The following SCNN1G variants were observed in gnomAD, a reference collection of about 807,000 sequenced individuals.
The protein encoded by SCNN1G is sodium channel epithelial 1 subunit gamma, also known as epithelial sodium channel subunit gamma.
SCNN1G carries 27 observed loss-of-function variants against 64.6 expected under a neutral mutation model. The observed-to-expected ratio is 0.42, with a 90% CI of 0.31 to 0.58. SCNN1G has a LOEUF of 0.58. Ranked by LOEUF, SCNN1G falls within the 20% of genes least tolerant of loss-of-function variation. The probability of loss-of-function intolerance (pLI) is 0.18; values close to 1 mark genes in which losing one functional copy is unlikely to be tolerated. For missense variants in SCNN1G, 743 were observed against 823.4 expected (o/e 0.90, Z 1.19); for synonymous variants, 330 against 314.2 (o/e 1.05, Z -0.53).
chr16:23,214,982 G>A, intron 12 of SCNN1G, 107 bp from the exon 13 acceptor site: 1 of 1,362,156 alleles, frequency 7.3e-7, no homozygotes. Flanking sequence ...CTCCCAGCCT[G>A]TGCAGGGTCG....
chr16:23,209,596 A>G (rs1960046061), intron 6 of SCNN1G, among the ~76,000 whole-genome samples, 154 bp from the exon 7 acceptor site: 1 of 152,146 alleles, frequency 6.6e-6, no homozygotes, highest in Admixed American at 6.6e-5. Context: ...CAGGCACCTA[A>G]TAGGTTCTCA....
chr16:23,186,908 T>A (rs1959618029), intron 2 of SCNN1G, among the ~76,000 whole-genome samples: 1 of 151,778 alleles, frequency 6.6e-6, no homozygotes, highest in Admixed American at 6.6e-5. Context: ...ACCTCCCAGG[T>A]TCTAACAATC....
intron 2 of SCNN1G, among the ~76,000 whole-genome samples, chr16:23,188,324 CA>C: frequency 6.6e-6 from 1 of 152,248 alleles, no homozygotes; most frequent in South Asian, 2.1e-4. Flanking sequence ...GCCTGGGCAA[CA>C]GAGCAAGGCC....
chr16:23,211,886 C>A, intron 7 of SCNN1G, 148 bp from the exon 8 acceptor site: 1 of 738,192 alleles, frequency 1.4e-6, no homozygotes, highest in East Asian at 2.5e-5. Context: ...GTTCCGGGAC[C>A]ATGCCCAGCC....
chr16:23,183,676 C>A (rs1959558304), intron 1 of SCNN1G, among the ~76,000 whole-genome samples: 1 of 150,146 alleles, frequency 6.7e-6, no homozygotes, highest in Non-Finnish European at 1.5e-5. Flanking sequence ...GTGAAATGGG[C>A]CAAGTAATAG....
At chr16:23,204,482 C>A in intron 6 of SCNN1G, among the ~76,000 whole-genome samples, 1 of 144,628 alleles carries the variant, frequency 6.9e-6, no homozygotes, top group Non-Finnish European at 1.5e-5. Context: ...TTTTTGACAC[C>A]TCTCTCCTTT....
intron 3 of SCNN1G, among the ~76,000 whole-genome samples, chr16:23,191,690 C>T (rs8060363): frequency 1.4e-4 from 21 of 152,118 alleles, no homozygotes; most frequent in African/African-American, 5.1e-4. Context: ...CCTTCCAAAG[C>T]ATTAGGATTA....
At chr16:23,183,202 G>A (rs1364302909) in intron 1 of SCNN1G, among the ~76,000 whole-genome samples, 1 of 152,236 alleles carries the variant, frequency 6.6e-6, no homozygotes, top group Non-Finnish European at 1.5e-5. Context: ...ACTTGGTGCA[G>A]AAAGAAGCAA....
At chr16:23,194,348 G>A (rs774586008) in intron 5 of SCNN1G, 74 bp downstream of exon 5, 5 of 1,034,732 alleles carry the variant, frequency 4.8e-6, no homozygotes, top group Non-Finnish European at 7.6e-6. Flanking sequence ...CAGTGGGGAT[G>A]CGGGAGCCCT....
At chr16:23,212,997 G>T (rs758990091) in intron 10 of SCNN1G, 103 bp downstream of exon 10, 15 of 1,530,988 alleles carry the variant, frequency 9.8e-6, no homozygotes, top group African/African-American at 2.7e-5. Flanking sequence ...AGGGGGAAAA[G>T]AATTACCTTG....
chr16:23,191,073 G>A (rs4967989), intron 3 of SCNN1G, among the ~76,000 whole-genome samples: 1 of 152,062 alleles, frequency 6.6e-6, no homozygotes, highest in Admixed American at 6.5e-5. Context: ...TCGAACCCTC[G>A]ACCTCAGGTG....
intron 2 of SCNN1G, 47 bp from the exon 3 acceptor site, chr16:23,189,324 C>A (rs1057247956): frequency 6.3e-7 from 1 of 1,591,418 alleles, no homozygotes; most frequent in Non-Finnish European, 8.6e-7. Context: ...CAGAGTTCTG[C>A]CAGGGCCGCC....
chr16:23,204,305 A>ATG (rs1959943407), intron 6 of SCNN1G, among the ~76,000 whole-genome samples: 2 of 60,206 alleles, frequency 3.3e-5, no homozygotes, highest in Non-Finnish European at 6.6e-5. Flanking sequence ...ATATATATAT[A>ATG]TATATATATA....
intron 2 of SCNN1G, 138 bp from the exon 3 acceptor site, chr16:23,189,233 G>T (rs1025802619): frequency 2.3e-6 from 2 of 864,968 alleles, no homozygotes; most frequent in Admixed American, 1.9e-5. Flanking sequence ...GTCATGAAAG[G>T]CGTGGTCTCC....
chr16:23,199,044 A>G (rs1275524108), intron 6 of SCNN1G, among the ~76,000 whole-genome samples: 7 of 151,858 alleles, frequency 4.6e-5, no homozygotes, highest in African/African-American at 1.7e-4. Flanking sequence ...TTAAGAACTT[A>G]TTTAAAGAGA....
chr16:23,196,387 G>T (rs964204576), intron 5 of SCNN1G: 1 of 151,978 alleles, frequency 6.6e-6, no homozygotes, highest in East Asian at 1.9e-4. Flanking sequence ...AAGTAGGCAG[G>T]GCTGTATCAT....
chr16:23,212,733 G>A lies in SCNN1G; in HGVS notation c.1350G>A (p.Gln450=). The change falls in exon 9 of 13, where the codon CAG becomes CAA. Residue 450 remains glutamine, a synonymous_variant. Coordinates refer to ENST00000300061, the MANE Select transcript of SCNN1G (RefSeq NM_001039.4). ...TTGTCCAGGAAGAGCTGGGCTGCCA[G>A]TCTGTGTGCAAGGAAGCCTGCAGGT... The part of the protein sequence containing the change: ...RAFVQEELGC[Q]SVCKEACSFK... 1 of 1,614,206 alleles carries A rather than the reference G, an allele frequency of 6.2e-7. No individual in the cohort carries two copies. The highest frequency in any genetic ancestry group is 8.5e-7 in the Non-Finnish European group (1 of 1,180,028).
At chr16:23,189,757 T>C in intron 3 of SCNN1G, 86 bp downstream of exon 3, 1 of 1,286,422 alleles carries the variant, frequency 7.8e-7, no homozygotes, top group Non-Finnish European at 1.1e-6. Context: ...CACTAGCCCC[T>C]GTGGTCCAAC....
rs574545154 is a variant in SCNN1G at position 23,207,132 on chromosome 16, A to C, written c.1078-2618A>C. 3.9e-5 allele frequency among the ~76,000 whole-genome samples: 6 copies of C among 152,322 alleles called. No individual in the cohort carries two copies. The East Asian group carries it at 1.2e-3, about 29-fold the overall frequency. Reference sequence around the variant, plus strand: ...AATGAAGGGCCATTGAGTACTCAGAAAGCGTTGAAATCCAAATGGTTTCTC... The same window carrying C: ...AATGAAGGGCCATTGAGTACTCAGACAGCGTTGAAATCCAAATGGTTTCTC... On this transcript the variant is annotated intron_variant, in intron 6 of 12. Coordinates refer to ENST00000300061, the MANE Select transcript of SCNN1G (RefSeq NM_001039.4).
Sources: gnomAD v4.1 joint callset for allele counts (sites outside exome capture counted in the v4.1 genomes callset) on GRCh38, gnomAD v4.1.1 for gene constraint, MANE v1.5 for transcripts, NCBI Gene and HGNC (gene_info 2026-07-23, HGNC 2026-07-21) for gene names.